GCLC: variants seen among roughly 807,000 people sequenced by gnomAD.
The protein encoded by GCLC is glutamate--cysteine ligase catalytic subunit.
A neutral mutation model predicts 81.5 loss-of-function variants in GCLC; 30 were observed. That is an observed-to-expected ratio of 0.37 (90% CI 0.28 to 0.50). The LOEUF (loss-of-function observed/expected upper bound fraction) is 0.50, where lower values mean the gene tolerates loss of function less well. GCLC is among the 20% of genes least tolerant of loss of function. The pLI is 0.96. For missense variants in GCLC, 556 were observed against 777.4 expected (o/e 0.72, Z 3.39); for synonymous variants, 262 against 273.3 (o/e 0.96, Z 0.41).
chr6:53,511,952 T>TC lies in GCLC; in HGVS notation c.753+2251_753+2252insG, dbSNP rs1226927715. 4.0e-5 allele frequency among the ~76,000 whole-genome samples: 6 copies of TC among 149,846 alleles called. No individual in the cohort carries two copies. The East Asian group carries it at 1.2e-3, about 29-fold the overall frequency. Reference sequence around the variant, plus strand: ...AACCTGTCATGAACTTAGTGCTTTTTTTTTTTTTTTTTTTGAGACAAAGAC... The same window carrying TC: ...AACCTGTCATGAACTTAGTGCTTTTTCTTTTTTTTTTTTTTGAGACAAAGAC... On this transcript the variant is annotated intron_variant, in intron 6 of 15. Coordinates refer to ENST00000650454, the MANE Select transcript of GCLC (RefSeq NM_001498.4).
intron 9 of GCLC, 37 bp downstream of exon 9, chr6:53,507,443 G>GT: frequency 6.2e-7 from 1 of 1,607,128 alleles, no homozygotes; most frequent in Non-Finnish European, 8.5e-7. Flanking sequence ...AACTAAAGGC[G>GT]TACATTCAAA....
At chr6:53,541,621 G>C (rs1379836687) in intron 1 of GCLC, among the ~76,000 whole-genome samples, 1 of 152,102 alleles carries the variant, frequency 6.6e-6, no homozygotes, top group African/African-American at 2.4e-5. Context: ...TGGGGGGGCG[G>C]TGGGGGAACA....
At position 53,500,495 on chromosome 6, in the gene GCLC, C is replaced by T. The variant is rs758318275; in HGVS notation, c.1414G>A (p.Val472Ile). ...PLSKVDENMK[V>I]AQKRDAVLQG... ...AAGACAGCATCTCTTTTCTGTGCTACCTTCATGTTCTCATCAACCTAAGGG... is the reference window on the plus strand; with the variant it reads ...AAGACAGCATCTCTTTTCTGTGCTATCTTCATGTTCTCATCAACCTAAGGG... The change falls in exon 13 of 16, where the codon GTA (valine) becomes ATA (isoleucine). Residue 472 changes from valine to isoleucine, a missense_variant. Coordinates refer to ENST00000650454, the MANE Select transcript of GCLC (RefSeq NM_001498.4). 7 of 1,609,802 alleles carry T rather than the reference C, an allele frequency of 4.3e-6. 1 individual carries two copies. Among genetic ancestry groups the T allele is most frequent in the Non-Finnish European group, 8.5e-7 (1 of 1,176,430 alleles).
At position 53,505,899 on chromosome 6, in the gene GCLC, T is replaced by C. The variant is rs185128520; in HGVS notation, c.1198-4A>G. On this transcript the variant is annotated splice_polypyrimidine_tract_variant and splice_region_variant and intron_variant, in intron 10 of 15. Coordinates refer to ENST00000650454, the MANE Select transcript of GCLC (RefSeq NM_001498.4). ...GCCAATTTGTGGACTGAATATTCTG[T>C]GATACAAAAGCAGAGAAGAAAACCA... The C allele has an allele frequency of 2.0e-5, 32 of 1,582,924 alleles. No individual in the cohort carries two copies. The highest frequency in any genetic ancestry group is 2.8e-5 in the Non-Finnish European group (32 of 1,151,642).
rs1230937522 is a variant in GCLC, at chr6:53,505,467, G to C, written c.1320C>G (p.Ala440=). Residue 440 remains alanine, a synonymous_variant, in exon 12 of 16, where the codon GCC becomes GCG. Coordinates refer to ENST00000650454, the MANE Select transcript of GCLC (RefSeq NM_001498.4). ...TGAGCAGTACCACAAACACCACATA[G>C]GCAGAGTTCTCAAAGTCTGTTAATT... The part of the protein sequence containing the change: ...EVQLTDFENS[A]YVVFVVLLTR... 6.2e-7 allele frequency: 1 copy of C among 1,603,798 alleles called. No individual in the cohort carries two copies. The highest frequency in any genetic ancestry group is 1.7e-5 in the Admixed American group (1 of 59,966).
rs1312859033 is a variant in GCLC, at chr6:53,506,104, C to T, written c.1198-209G>A. On this transcript the variant is annotated intron_variant, in intron 10 of 15. Transcript: ENST00000650454. This position sits in a 1 kb window ranked among gnomAD's most constrained non-coding sequence, Gnocchi z 4.0. ...AAGTGTTTAACAAAAGCTATGAGGCCCTATCACTGCAAGCTTAATCTCACC... is the reference window on the plus strand; with the variant it reads ...AAGTGTTTAACAAAAGCTATGAGGCTCTATCACTGCAAGCTTAATCTCACC... The T allele has an allele frequency of 7.6e-6, 4 of 527,152 alleles. No individual in the cohort carries two copies. Among genetic ancestry groups the T allele is most frequent in the African/African-American group, 5.8e-5 (3 of 52,146 alleles). The allele number at this position is 527,152 out of a possible 1,614,324, so 32.7% of individuals were successfully genotyped here. A position where few individuals can be genotyped will look rare whatever the true frequency, so the allele number is the denominator to read the frequency against.
intron 1 of GCLC, among the ~76,000 whole-genome samples, chr6:53,530,917 C>T (rs996631703): frequency 2.6e-5 from 4 of 152,194 alleles, no homozygotes; most frequent in Non-Finnish European, 4.4e-5. Context: ...CCTATTAAAA[C>T]TGTCACAGAG....
At chr6:53,542,110 G>T (rs1411634838) in intron 1 of GCLC, among the ~76,000 whole-genome samples, 1 of 152,166 alleles carries the variant, frequency 6.6e-6, no homozygotes, top group African/African-American at 2.4e-5. Flanking sequence ...TCCTGCCTGG[G>T]CCTTCCAAAG....
chr6:53,509,084 TG>T, intron 7 of GCLC, 91 bp downstream of exon 7: 1 of 804,992 alleles, frequency 1.2e-6, no homozygotes, highest in Non-Finnish European at 2.2e-6. Flanking sequence ...AGGTCTTAAC[TG>T]GACTTAAATA....
At chr6:53,524,012 G>T (rs879574532) in intron 1 of GCLC, 8 of 152,154 alleles carry the variant, frequency 5.3e-5, no homozygotes, top group Non-Finnish European at 8.8e-5. Context: ...ACAATTACAG[G>T]TTGCAAGATA....
chr6:53,514,753 C>T (rs570575434), intron 4 of GCLC, among the ~76,000 whole-genome samples: 1 of 152,320 alleles, frequency 6.6e-6, no homozygotes, highest in Admixed American at 6.5e-5. Flanking sequence ...GCTCCCAAGG[C>T]TCCCTGTAAC....
chr6:53,518,657 C>T (rs773859247), intron 3 of GCLC, among the ~76,000 whole-genome samples: 2 of 152,154 alleles, frequency 1.3e-5, no homozygotes, highest in African/African-American at 2.4e-5. Flanking sequence ...GAAGGAAACA[C>T]CACTGCCCAT....
In GCLC at chr6:53,497,638, T is replaced by A. The variant is rs2127617868; in HGVS notation, c.*1118A>T. On this transcript the variant is annotated 3_prime_UTR_variant, in exon 16 of 16. Transcript: ENST00000650454. ...AGAGTTATTTCAGAAGCAGTTGACT[T>A]AACTAGTTGAGAAAAAAAACAACAA... 7.3e-6 allele frequency: 1 copy of A among 137,182 alleles called. No individual in the cohort carries two copies. The highest frequency in any genetic ancestry group is 1.6e-5 in the Non-Finnish European group (1 of 64,254). The allele number at this position is 137,182 out of a possible 1,614,324, so 8.5% of individuals were successfully genotyped here.
Position 53,498,896 on chromosome 6 carries a change from C to T in GCLC, c.1774G>A (p.Val592Ile), listed in dbSNP as rs1231029549. Residue 592 changes from valine (V) to isoleucine (I), a missense_variant, in exon 16 of 16, where the codon GTC becomes ATC. Physicochemically the swap from Val to Ile is conservative, Grantham distance 29 (BLOSUM62 3). Around this residue, in one of 3 missense-constraint regions of GCLC, gnomAD observed 313 missense variants for 437.3 expected, o/e 0.72. Coordinates refer to ENST00000650454, the MANE Select transcript of GCLC (RefSeq NM_001498.4). ...ANHPDYKQDS[V>I]ITDEMNYSLI... ...CTATAATTCATTTCATCAGTTATGA[C>T]ACTGTCTTGCTTGTAGTCAGGATGG... The T allele has an allele frequency of 5.0e-6, 8 of 1,612,874 alleles. No individual in the cohort carries two copies. Among genetic ancestry groups the T allele is most frequent in the Middle Eastern group, 1.7e-4 (1 of 6,060 alleles).
chr6:53,539,030 G>T (rs1260481009), intron 1 of GCLC, among the ~76,000 whole-genome samples: 1 of 152,172 alleles, frequency 6.6e-6, no homozygotes, highest in Non-Finnish European at 1.5e-5. Flanking sequence ...AGCTGAAAAG[G>T]TCTGGCAGGC....
Position 53,506,709 on chromosome 6 carries a change from G to GT in GCLC, c.1197+203dup, listed in dbSNP as rs1299183055. 1 of 557,590 alleles carries GT rather than the reference G, an allele frequency of 1.8e-6. No individual in the cohort carries two copies. The highest frequency in any genetic ancestry group is 3.2e-6 in the Non-Finnish European group (1 of 311,384). The allele number at this position is 557,590 out of a possible 1,614,324, so 34.5% of individuals were successfully genotyped here. ...AAACAGTAAGAATCGTAAAATAAGA[G>GT]TACTTGAAACCGATTTTTTATTTGT... On this transcript the variant is annotated intron_variant, in intron 10 of 15. Transcript: ENST00000650454. This position sits in a 1 kb window ranked among gnomAD's most constrained non-coding sequence, Gnocchi z 4.0.
intron 3 of GCLC, among the ~76,000 whole-genome samples, chr6:53,520,387 C>T (rs1370810051): frequency 3.3e-5 from 5 of 152,204 alleles, no homozygotes; most frequent in Non-Finnish European, 5.9e-5. Flanking sequence ...TGCATGAGGG[C>T]GCAACTGTCA....
At chr6:53,518,180 T>C (rs1762915603) in intron 3 of GCLC, among the ~76,000 whole-genome samples, 2 of 152,166 alleles carry the variant, frequency 1.3e-5, no homozygotes, top group African/African-American at 4.8e-5. Flanking sequence ...TACAGGTTTT[T>C]AGAATAAAGC....
rs1455847916 is a variant in GCLC, at chr6:53,498,040, G to T, written c.*716C>A. On this transcript the variant is annotated 3_prime_UTR_variant, in exon 16 of 16. Coordinates refer to ENST00000650454, the MANE Select transcript of GCLC (RefSeq NM_001498.4). ...ATTGTCCTTAATAATCACTACATGT[G>T]AATTCTGGGTAATAATCTCCTTTCT... is the stretch of plus-strand genomic sequence containing the variant. 1 of 151,816 alleles carries T rather than the reference G, an allele frequency of 6.6e-6. No homozygotes were observed. Among genetic ancestry groups the T allele is most frequent in the Non-Finnish European group, 1.5e-5 (1 of 67,954 alleles). The allele number at this position is 151,816 out of a possible 1,614,324, so 9.4% of individuals were successfully genotyped here. A position where few individuals can be genotyped will look rare whatever the true frequency, so the allele number is the denominator to read the frequency against.
Sources: gnomAD v4.1 joint callset for allele counts (sites outside exome capture counted in the v4.1 genomes callset) on GRCh38, gnomAD v4.1.1 for gene constraint, gnomAD v4.1.1 regional missense constraint, Gnocchi (gnomAD v3.1) non-coding constraint, MANE v1.5 for transcripts, NCBI Gene and HGNC (gene_info 2026-07-23, HGNC 2026-07-21) for gene names.